The following MICALL2 variants were observed in gnomAD, a reference collection of about 807,000 sequenced individuals.
MICALL2 encodes MICAL like 2, also known as MICAL-like protein 2.
Under a neutral mutation model 91.1 loss-of-function variants are expected in MICALL2, and 111 were observed. That is an observed-to-expected ratio of 1.22 (90% CI 1.04 to 1.43). MICALL2 has a LOEUF of 1.43. Ranked by LOEUF, MICALL2 falls within the 40% of genes most tolerant of loss-of-function variation. The pLI, the probability that MICALL2 is intolerant of heterozygous loss-of-function variation, is 0.00. For synonymous variants in MICALL2, 694 were observed against 525.3 expected (o/e 1.32, Z -4.39); for missense variants, 1,556 against 1,236.0 (o/e 1.26, Z -3.88).
rs749987814 is a variant in MICALL2 at position 1,436,762 on chromosome 7, C to T, written c.2571G>A (p.Ser857=). The T allele has an allele frequency of 5.6e-6, 9 of 1,606,986 alleles. No individual in the cohort carries two copies. Among genetic ancestry groups the T allele is most frequent in the African/African-American group, 4.0e-5 (3 of 74,570 alleles). The part of the protein sequence containing the change: ...TVNDRSDIVD[S]LDEDRLREQE... ...CTCACCGGAGCCGGTCCTCGTCCAG[C>T]GAGTCCACGATGTCACTGCGGTCGT... The change falls in exon 15 of 17, where the codon TCG becomes TCA. Residue 857 remains serine (S), a synonymous_variant. Transcript: ENST00000297508.
At position 1,445,266 on chromosome 7, in the gene MICALL2, C is replaced by T; in HGVS notation, c.804G>A (p.Arg268=). The T allele has an allele frequency of 6.2e-7, 1 of 1,612,460 alleles. No homozygotes were observed. Among genetic ancestry groups the T allele is most frequent in the Middle Eastern group, 1.7e-4 (1 of 6,058 alleles). Residue 268 remains arginine, a synonymous_variant, in exon 6 of 17, where the codon AGG becomes AGA. Coordinates refer to ENST00000297508, the MANE Select transcript of MICALL2 (RefSeq NM_182924.4). The part of the protein sequence containing the change: ...RQPGAMGVDS[R]TSCSPQKAQE... Reference sequence around the variant, plus strand: ...GGGCCTTCTGTGGGGAACAGGAGGTCCTGGAATCCACACCCATGGCCCCTG... The same window carrying T: ...GGGCCTTCTGTGGGGAACAGGAGGTTCTGGAATCCACACCCATGGCCCCTG...
At chr7:1,440,466 C>T (rs1780227045) in intron 8 of MICALL2, 125 bp downstream of exon 8, 4 of 863,078 alleles carry the variant, frequency 4.6e-6, no homozygotes, top group Non-Finnish European at 7.4e-6. Context: ...GACCTGGCCT[C>T]TGCTACTCAC....
intron 9 of MICALL2, chr7:1,439,379 G>A (rs1395082316): frequency 8.3e-6 from 2 of 240,452 alleles, no homozygotes; most frequent in South Asian, 1.6e-4. Flanking sequence ...TCCACACATG[G>A]GTACATGCAC....
intron 1 of MICALL2, among the ~76,000 whole-genome samples, chr7:1,455,539 G>A (rs957627155): frequency 6.8e-6 from 1 of 147,488 alleles, no homozygotes; most frequent in African/African-American, 2.4e-5. Flanking sequence ...GGAGATTCAC[G>A]GACACCTCTC....
At chr7:1,438,259 GC>G (rs746546175) in intron 11 of MICALL2, 29 bp downstream of exon 11, 7 of 1,587,004 alleles carry the variant, frequency 4.4e-6, no homozygotes, top group Non-Finnish European at 5.1e-6. Flanking sequence ...GGAGGGCTGG[GC>G]CCCTGCCCGG....
chr7:1,436,088 A>C lies in MICALL2; in HGVS notation c.2591+654T>G, dbSNP rs368755033. Among the ~76,000 whole-genome samples the C allele has an allele frequency of 3.7e-4, 55 of 150,656 alleles. 1 individual carries two copies. The highest frequency in any genetic ancestry group is 2.6e-3 in the East Asian group (13 of 5,086). ...ATACAAACAACAAAACAAAACAAAC[A>C]AAAAAAACTAAGACTTTACGGCCAG... On this transcript the variant is annotated intron_variant, in intron 15 of 16. Coordinates refer to ENST00000297508, the MANE Select transcript of MICALL2 (RefSeq NM_182924.4).
intron 1 of MICALL2, 192 bp from the exon 2 acceptor site, chr7:1,450,480 TGCTGGGACCGTA>T: frequency 3.3e-6 from 2 of 598,522 alleles, no homozygotes; most frequent in Non-Finnish European, 6.1e-6. Flanking sequence ...ACGGTGATGC[TGCTGGGACCGTA>T]GTACGACATC....
intron 5 of MICALL2, 136 bp downstream of exon 5, chr7:1,446,577 G>T: frequency 1.7e-6 from 1 of 602,696 alleles, no homozygotes; most frequent in Non-Finnish European, 3.0e-6. Flanking sequence ...AGGGGGAGGG[G>T]GGAGGAGGGG....
rs1033861489 is a variant in MICALL2, at chr7:1,445,356, G to A, written c.714C>T (p.Cys238=). 46 of 1,596,430 alleles carry A rather than the reference G, an allele frequency of 2.9e-5. No individual in the cohort carries two copies. Among genetic ancestry groups the A allele is most frequent in the Non-Finnish European group, 3.7e-5 (44 of 1,176,038 alleles). The change falls in exon 6 of 17, where the codon TGC becomes TGT. Residue 238 remains cysteine, a synonymous_variant. Coordinates refer to ENST00000297508, the MANE Select transcript of MICALL2 (RefSeq NM_182924.4). ...KATGEPGTFV[C]TSHLPAAASA... is the part of the protein sequence containing the mutation. Reference sequence around the variant, plus strand: ...AGGCGGCTGCGGGGAGGTGGCTGGTGCAGACGAAGGTGCCCGGCTCTCCTG... The same window carrying A: ...AGGCGGCTGCGGGGAGGTGGCTGGTACAGACGAAGGTGCCCGGCTCTCCTG...
At chr7:1,445,737 G>A (rs1562460829) in intron 5 of MICALL2, among the ~76,000 whole-genome samples, 1 of 152,168 alleles carries the variant, frequency 6.6e-6, no homozygotes, top group Admixed American at 6.5e-5. Context: ...CAGGTCAGCA[G>A]ACACACACCC....
At chr7:1,444,445 AC>A (rs1465870220) in intron 6 of MICALL2, among the ~76,000 whole-genome samples, 2 of 152,090 alleles carry the variant, frequency 1.3e-5, no homozygotes, top group African/African-American at 2.4e-5. Flanking sequence ...TTCCATAAGG[AC>A]CCGGCTTCCA....
Position 1,439,976 on chromosome 7 carries a change from C to G in MICALL2, c.1915G>C (p.Val639Leu). Residue 639 changes from valine (V) to leucine (L), a missense_variant, in exon 9 of 17, where the codon GTG becomes CTG. By Grantham distance (32) the Val-to-Leu change is conservative (BLOSUM62 1). Transcript: ENST00000297508. ...AGSVHITLTP[V>L]RPDRTPRPAS... is the part of the protein sequence containing the mutation. ...GGGCGTGGGGTCCTGTCAGGCCTCA[C>G]GGGGGTCAGGGTGATGTGGACACTC... 1 of 1,523,402 alleles carries G rather than the reference C, an allele frequency of 6.6e-7. No homozygotes were observed. The highest frequency in any genetic ancestry group is 8.7e-7 in the Non-Finnish European group (1 of 1,145,774). The allele number at this position is 1,523,402 out of a possible 1,614,324, so 94.4% of individuals were successfully genotyped here.
Position 1,434,400 on chromosome 7 carries a change from G to A in MICALL2, c.*196C>T, listed in dbSNP as rs748533661. Reference sequence around the variant, plus strand: ...CGGTTTCTTTATTGAGACCACAGACGGTAGCGCAGGTCCCTGCTGTCCACA... The same window carrying A: ...CGGTTTCTTTATTGAGACCACAGACAGTAGCGCAGGTCCCTGCTGTCCACA... On this transcript the variant is annotated 3_prime_UTR_variant, in exon 17 of 17. Coordinates refer to ENST00000297508, the MANE Select transcript of MICALL2 (RefSeq NM_182924.4). 56 of 691,554 alleles carry A rather than the reference G, an allele frequency of 8.1e-5. No homozygotes were observed. The highest frequency in any genetic ancestry group is 4.1e-4 in the East Asian group (15 of 36,482). The allele number at this position is 691,554 out of a possible 1,614,324, so 42.8% of individuals were successfully genotyped here.
At chr7:1,453,985 C>T (rs983209662) in intron 1 of MICALL2, among the ~76,000 whole-genome samples, 4 of 152,156 alleles carry the variant, frequency 2.6e-5, no homozygotes, top group Non-Finnish European at 1.5e-5. Context: ...TGCCCCTGCC[C>T]GGCCACACCT....
At position 1,444,636 on chromosome 7, in the gene MICALL2, G is replaced by A. The variant is rs1341954995; in HGVS notation, c.1418+16C>T. On this transcript the variant is annotated intron_variant, in intron 6 of 16. Transcript: ENST00000297508. ...AAGAGGCCATACCCGGGGTCCCTCG[G>A]TCCCCACGCGCTCACCTGCCAGGCG... The A allele has an allele frequency of 3.1e-6, 5 of 1,602,954 alleles. No homozygotes were observed.
intron 6 of MICALL2, among the ~76,000 whole-genome samples, chr7:1,443,478 G>A (rs968750562): frequency 1.3e-5 from 2 of 152,208 alleles, no homozygotes; most frequent in African/African-American, 2.4e-5. Context: ...GTACTTGGTC[G>A]AATGGTGACC....
chr7:1,438,357 G>C lies in MICALL2; in HGVS notation c.2123-4C>G, dbSNP rs985463254. On this transcript the variant is annotated splice_region_variant and splice_polypyrimidine_tract_variant and intron_variant, in intron 10 of 16. Transcript: ENST00000297508. The stretch of plus-strand genomic sequence containing the variant: ...TTGGCCGGGGACAAGGGTCTCCCTG[G>C]AGAAGGAGCAGGGTGAGCCTCTGGG... 3.1e-6 allele frequency: 5 copies of C among 1,599,776 alleles called. No homozygotes were observed. In the African/African-American group the frequency reaches 6.7e-5, roughly 21 times the overall value.
In MICALL2 at chr7:1,443,809, T is replaced by G. The variant is rs144180013; in HGVS notation, c.1418+843A>C. ...CCGCCTCAAGGTCAGACTTCTGGCC[T>G]GCAGAGCTGTGAGGGGGTGGATTTC... On this transcript the variant is annotated intron_variant, in intron 6 of 16. Coordinates refer to ENST00000297508, the MANE Select transcript of MICALL2 (RefSeq NM_182924.4). Among the ~76,000 whole-genome samples, 921 of 152,316 alleles carry G rather than the reference T, an allele frequency of 6.0e-3. 10 individuals carry two copies. Among genetic ancestry groups the G allele is most frequent in the African/African-American group, 0.021 (866 of 41,576 alleles).
rs1468054592 is a variant in MICALL2, at chr7:1,445,331, A to G, written c.739T>C (p.Ser247Pro). 3.7e-6 allele frequency: 6 copies of G among 1,608,556 alleles called. No individual in the cohort carries two copies. In the South Asian group the frequency reaches 6.6e-5, roughly 18 times the overall value. Reference sequence around the variant, plus strand: ...AGACCCGTCAACTTGGGGCTTGCAGAGGCGGCTGCGGGGAGGTGGCTGGTG... The same window carrying G: ...AGACCCGTCAACTTGGGGCTTGCAGGGGCGGCTGCGGGGAGGTGGCTGGTG... Reference protein sequence around the residue: ...VCTSHLPAAASASPKLTGLVP... With the variant: ...VCTSHLPAAAPASPKLTGLVP... Residue 247 changes from serine (S) to proline (P), a missense_variant, in exon 6 of 17, where the codon TCT becomes CCT. Physicochemically the swap from Ser to Pro is moderately conservative, Grantham distance 74 (BLOSUM62 -1). Coordinates refer to ENST00000297508, the MANE Select transcript of MICALL2 (RefSeq NM_182924.4).
Sources: allele counts gnomAD v4.1 joint callset (sites outside exome capture counted in the v4.1 genomes callset), GRCh38; gene constraint gnomAD v4.1.1; transcripts MANE v1.5; gene names NCBI Gene and HGNC (gene_info 2026-07-23, HGNC 2026-07-21).